FARP1: variants seen among roughly 807,000 people sequenced by gnomAD.
The protein encoded by FARP1 is FERM, ARH/RhoGEF and pleckstrin domain protein 1.
Under a neutral mutation model 128.8 loss-of-function variants are expected in FARP1, and 52 were observed. The ratio of observed to expected loss-of-function variants is 0.40; its 90% CI spans 0.32 to 0.51. FARP1 has a LOEUF of 0.51. Ranked by LOEUF, FARP1 falls within the 20% of genes least tolerant of loss-of-function variation. The probability of loss-of-function intolerance (pLI) is 0.45; values close to 1 mark genes in which losing one functional copy is unlikely to be tolerated. For missense variants in FARP1, 1,333 were observed against 1,367.9 expected (o/e 0.97, Z 0.40); for synonymous variants, 580 against 551.8 (o/e 1.05, Z -0.72).
At chr13:98,292,174 G>A (rs1043025238) in intron 2 of FARP1, among the ~76,000 whole-genome samples, 1 of 152,222 alleles carries the variant, frequency 6.6e-6, no homozygotes, top group Non-Finnish European at 1.5e-5. Context: ...TATCTTACAT[G>A]CTGTGGATAA....
rs569870992 is a variant in FARP1, at chr13:98,154,853, T to G, written c.-24+11361T>G. Reference sequence around the variant, plus strand: ...TAAACATTGATTATCTTTTGCAGTTTCTGTGGGTGAGGACTTTGGAAATGG... The same window carrying G: ...TAAACATTGATTATCTTTTGCAGTTGCTGTGGGTGAGGACTTTGGAAATGG... On this transcript the variant is annotated intron_variant, in intron 1 of 26. Coordinates refer to ENST00000319562, the MANE Select transcript of FARP1 (RefSeq NM_005766.4). Among the ~76,000 whole-genome samples the G allele has an allele frequency of 5.3e-5, 8 of 152,268 alleles. No homozygotes were observed. In the South Asian group the frequency reaches 1.5e-3, roughly 28 times the overall value.
chr13:98,262,834 T>C (rs1355076615), intron 2 of FARP1, among the ~76,000 whole-genome samples: 1 of 152,122 alleles, frequency 6.6e-6, no homozygotes, highest in Non-Finnish European at 1.5e-5. Flanking sequence ...TACTGTTCAT[T>C]AGAGTGTGGA....
At chr13:98,428,070 C>G (rs1172719679) in intron 17 of FARP1, among the ~76,000 whole-genome samples, 1 of 145,506 alleles carries the variant, frequency 6.9e-6, no homozygotes, top group Non-Finnish European at 1.5e-5. Context: ...CCACCCCCGA[C>G]CCGTGCACTC....
intron 2 of FARP1, among the ~76,000 whole-genome samples, chr13:98,281,095 C>T (rs1884915016): frequency 1.3e-5 from 2 of 152,212 alleles, no homozygotes; most frequent in Admixed American, 1.3e-4. Context: ...GTGGCTCATG[C>T]CTGTAATCCC....
chr13:98,399,204 T>C (rs1453523994), intron 13 of FARP1: 2 of 117,280 alleles, frequency 1.7e-5, no homozygotes, highest in Non-Finnish European at 4.1e-5. Context: ...CCTGATGTGC[T>C]GCGAATAGTC....
chr13:98,200,312 G>C (rs1254455443), intron 1 of FARP1, among the ~76,000 whole-genome samples: 1 of 151,632 alleles, frequency 6.6e-6, no homozygotes, highest in Non-Finnish European at 1.5e-5. Flanking sequence ...TCTTTACGGA[G>C]ACCCTCAGAA....
At chr13:98,263,303 C>G (rs185816278) in intron 2 of FARP1, among the ~76,000 whole-genome samples, 10 of 152,094 alleles carry the variant, frequency 6.6e-5, no homozygotes, top group Non-Finnish European at 2.9e-5. Flanking sequence ...CCACCACGCC[C>G]GGCCACACTA....
chr13:98,346,455 T>A (rs987017923), intron 3 of FARP1, among the ~76,000 whole-genome samples: 3 of 151,602 alleles, frequency 2.0e-5, no homozygotes, highest in African/African-American at 7.3e-5. Flanking sequence ...TTTTAAAAGT[T>A]CTTTTGAGGC....
intron 5 of FARP1, among the ~76,000 whole-genome samples, chr13:98,376,172 T>C (rs1183658823): frequency 2.6e-5 from 4 of 152,216 alleles, no homozygotes; most frequent in Non-Finnish European, 5.9e-5. Flanking sequence ...TTTTAAAGTA[T>C]AGTAAATTAT....
At chr13:98,268,452 A>G (rs1253505025) in intron 2 of FARP1, among the ~76,000 whole-genome samples, 1 of 152,118 alleles carries the variant, frequency 6.6e-6, no homozygotes, top group African/African-American at 2.4e-5. Context: ...TACGCTGACT[A>G]AAGATTCTGT....
At chr13:98,205,745 G>A (rs566185272) in intron 1 of FARP1, among the ~76,000 whole-genome samples, 1 of 152,096 alleles carries the variant, frequency 6.6e-6, no homozygotes, top group South Asian at 2.1e-4. Context: ...TTCCCATTAG[G>A]TCCTTCATAT....
chr13:98,281,511 C>T (rs911876870), intron 2 of FARP1, among the ~76,000 whole-genome samples: 3 of 152,192 alleles, frequency 2.0e-5, no homozygotes, highest in African/African-American at 7.2e-5. Flanking sequence ...TATTGCCCTC[C>T]TGTCAGGGAA....
Position 98,287,208 on chromosome 13 carries a change from C to CTTTTTTTTTTTTTTT in FARP1, c.172-56528_172-56514dup, listed in dbSNP as rs71111939. ...TTTCCAAATTAACCATCAGACATGT[C>CTTTTTTTTTTTTTTT]TTTTTTTTTTTTTTTTTTTTTTTTT... is the stretch of plus-strand genomic sequence containing the variant. On this transcript the variant is annotated intron_variant, in intron 2 of 26. Coordinates refer to ENST00000319562, the MANE Select transcript of FARP1 (RefSeq NM_005766.4). Among the ~76,000 whole-genome samples the CTTTTTTTTTTTTTTT allele has an allele frequency of 3.8e-4, 29 of 75,810 alleles. 2 individuals are homozygous for CTTTTTTTTTTTTTTT. The highest frequency in any genetic ancestry group is 5.9e-4 in the Non-Finnish European group (25 of 42,102). 49.7% of individuals were successfully genotyped at this position (75,810 alleles called of 152,430 possible).
intron 14 of FARP1, among the ~76,000 whole-genome samples, chr13:98,410,205 C>G (rs186361990): frequency 2.6e-5 from 4 of 152,206 alleles, no homozygotes; most frequent in African/African-American, 9.7e-5. Flanking sequence ...GTTGAATGGC[C>G]GGCCTCCTCC....
intron 2 of FARP1, among the ~76,000 whole-genome samples, chr13:98,250,863 T>G (rs1327433561): frequency 6.6e-6 from 1 of 152,014 alleles, no homozygotes; most frequent in Non-Finnish European, 1.5e-5. Context: ...CTTTTTATAG[T>G]TTAACACATG....
At chr13:98,369,040 C>A (rs369090806) in intron 5 of FARP1, among the ~76,000 whole-genome samples, 22 of 152,156 alleles carry the variant, frequency 1.4e-4, no homozygotes, top group East Asian at 1.4e-3. Context: ...ATTCTCCTGC[C>A]TCAGCCTCCT....
intron 2 of FARP1, among the ~76,000 whole-genome samples, chr13:98,270,379 G>A (rs201569698): frequency 2.0e-5 from 3 of 151,990 alleles, no homozygotes; most frequent in East Asian, 1.9e-4. Flanking sequence ...AAGAGCTCTC[G>A]GTGCTCTAAA....
rs540510116 is a variant in FARP1, at chr13:98,253,112, G to A, written c.171+39699G>A. On this transcript the variant is annotated intron_variant, in intron 2 of 26. Transcript: ENST00000319562. ...GCTGTATGTTGATTTAGTCTGCGAC[G>A]AAAGCAATGTTCAAGCCAAGTTTGT... is the stretch of plus-strand genomic sequence containing the variant. Among the ~76,000 whole-genome samples the A allele has an allele frequency of 1.1e-4, 17 of 152,302 alleles. No individual in the cohort carries two copies. The East Asian group carries it at 1.9e-3, about 17-fold the overall frequency.
intron 1 of FARP1, among the ~76,000 whole-genome samples, chr13:98,144,202 C>CTGTGTG (rs368648027): frequency 1.8e-3 from 258 of 146,410 alleles, no homozygotes; most frequent in Middle Eastern, 3.4e-3. Context: ...CCCGGAGACT[C>CTGTGTG]TGTGTGTGTG....
Sources: gnomAD v4.1 joint callset for allele counts (sites outside exome capture counted in the v4.1 genomes callset) on GRCh38, gnomAD v4.1.1 for gene constraint, MANE v1.5 for transcripts, NCBI Gene and HGNC (gene_info 2026-07-23, HGNC 2026-07-21) for gene names.